SLC25A6: variants seen among roughly 807,000 people sequenced by gnomAD.
SLC25A6 encodes the protein ADP/ATP translocase 3.
A neutral mutation model predicts 25.7 loss-of-function variants in SLC25A6; 9 were observed. That is an observed-to-expected ratio of 0.35 (90% CI 0.21 to 0.61). The LOEUF (loss-of-function observed/expected upper bound fraction) is 0.61. Among genes scored for constraint, SLC25A6 ranks in the 20% least tolerant of loss-of-function variants. The pLI is 0.76. For synonymous variants in SLC25A6, 223 were observed against 197.0 expected (o/e 1.13, Z -1.11); for missense variants, 404 against 440.5 (o/e 0.92, Z 0.74).
chrX:1,391,823 T>A, intron 1 of SLC25A6, 76 bp downstream of exon 1: 1 of 1,179,816 alleles, frequency 8.5e-7, no homozygotes, highest in Non-Finnish European at 1.2e-6. Context: ...AAGGCTCTGC[T>A]GCCCACGTCC....
intron 2 of SLC25A6, among the ~76,000 whole-genome samples, chrX:1,388,571 C>A (rs771953610): frequency 1.2e-4 from 18 of 149,894 alleles, no homozygotes; most frequent in African/African-American, 4.4e-4. Context: ...TGGACTAAGA[C>A]ATCTCATAAC....
In SLC25A6 at chrX:1,387,269, C is replaced by A. The variant is rs766106667; in HGVS notation, c.739+10G>T. On this transcript the variant is annotated intron_variant, in intron 3 of 3. Transcript: ENST00000381401. ...TCCCGGCAGCAAGGGTCCCCCGCCC[C>A]CCCGAGTACCTCCTTTGCGCCCGGA... 2 of 1,610,374 alleles carry A rather than the reference C, an allele frequency of 1.2e-6. No individual in the cohort carries two copies. Among genetic ancestry groups the A allele is most frequent in the Admixed American group, 1.7e-5 (1 of 59,922 alleles).
In SLC25A6 at chrX:1,387,676, T is replaced by C. The variant is rs1277504707; in HGVS notation, c.599-257A>G. 3.9e-5 allele frequency among the ~76,000 whole-genome samples: 6 copies of C among 152,314 alleles called. No individual in the cohort carries two copies. The East Asian group carries it at 7.7e-4, about 20-fold the overall frequency. On this transcript the variant is annotated intron_variant, in intron 2 of 3. Transcript: ENST00000381401. ...TCCCAGAGGCCGGGGTTAGGCCTGT[T>C]TGGGGAAGGGAATAGGGCCCTGACC...
intron 1 of SLC25A6, 118 bp downstream of exon 1, chrX:1,391,781 A>G: frequency 1.4e-6 from 1 of 721,938 alleles, no homozygotes; most frequent in South Asian, 1.8e-5. Flanking sequence ...GGACAAAGCG[A>G]TCGCGGCCTT....
chrX:1,387,365 T>A lies in SLC25A6; in HGVS notation c.653A>T (p.Gln218Leu). The A allele has an allele frequency of 6.2e-7, 1 of 1,613,342 alleles. No individual in the cohort carries two copies. The highest frequency in any genetic ancestry group is 8.5e-7 in the Non-Finnish European group (1 of 1,179,752). Reference sequence around the variant, plus strand: ...CACGCCGGCCACGGCCGTCACGGTCTGCGCGATCATCCAGCTCACCACGAT... The same window carrying A: ...CACGCCGGCCACGGCCGTCACGGTCAGCGCGATCATCCAGCTCACCACGAT... ...THIVVSWMIA[Q>L]TVTAVAGVVS... The change falls in exon 3 of 4, where the codon CAG becomes CTG. Residue 218 changes from glutamine (Q) to leucine (L), a missense_variant. Physicochemically the swap from Gln to Leu is moderately radical, Grantham distance 113 (BLOSUM62 -2). Transcript: ENST00000381401.
In SLC25A6 at chrX:1,389,416, C is replaced by A. The variant is rs201840948; in HGVS notation, c.423G>T (p.Leu141=). The A allele has an allele frequency of 1.2e-6, 2 of 1,613,816 alleles. No homozygotes were observed. The highest frequency in any genetic ancestry group is 3.3e-5 in the Admixed American group (2 of 60,020). Residue 141 remains leucine, a synonymous_variant, in exon 2 of 4, where the codon CTG becomes CTT. Transcript: ENST00000381401. ...TGCCTGACTTTCCCACGTCCGCTGC[C>A]AGGCGGGTTCTGGCGAAATCCAGCG... ...VYPLDFARTR[L]AADVGKSGTE...
rs1172123657 is a variant in SLC25A6, at chrX:1,389,355, C to T, written c.484G>A (p.Val162Met). Residue 162 changes from valine (V) to methionine (M), a missense_variant, in exon 2 of 4, where the codon GTG becomes ATG. Transcript: ENST00000381401. ...REFRGLGDCL[V>M]KITKSDGIRG... ...ATGCCGTCGGACTTGGTGATCTTCACCAGGCAGTCTCCCAGGCCTCGGAAC... is the reference window on the plus strand; with the variant it reads ...ATGCCGTCGGACTTGGTGATCTTCATCAGGCAGTCTCCCAGGCCTCGGAAC... 1.9e-6 allele frequency: 3 copies of T among 1,613,692 alleles called. No individual in the cohort carries two copies. Among genetic ancestry groups the T allele is most frequent in the African/African-American group, 2.7e-5 (2 of 74,928 alleles).
chrX:1,391,708 T>G (rs2089414930), intron 1 of SLC25A6, among the ~76,000 whole-genome samples, 191 bp downstream of exon 1: 1 of 152,174 alleles, frequency 6.6e-6, no homozygotes, highest in East Asian at 1.9e-4. Flanking sequence ...TGCGCACGCG[T>G]GGACGTCGCC....
intron 3 of SLC25A6, 121 bp from the exon 4 acceptor site, chrX:1,386,880 A>G (rs2089332243): frequency 8.2e-7 from 1 of 1,215,472 alleles, no homozygotes; most frequent in Admixed American, 2.2e-5. Context: ...CACAGTTCTG[A>G]TTACAGGAGG....
intron 1 of SLC25A6, among the ~76,000 whole-genome samples, chrX:1,391,036 C>A (rs1383008081): frequency 1.4e-5 from 2 of 143,506 alleles, no homozygotes; most frequent in African/African-American, 5.2e-5. Context: ...CTTAGAGATG[C>A]GGTCTTGCTC....
intron 1 of SLC25A6, 35 bp downstream of exon 1, chrX:1,391,864 C>A (rs1381808044): frequency 1.3e-6 from 2 of 1,520,122 alleles, no homozygotes; most frequent in South Asian, 2.4e-5. Context: ...GTTCCCGTCC[C>A]CTAGTCCCCG....
chrX:1,388,028 G>A (rs1472371168), intron 2 of SLC25A6, among the ~76,000 whole-genome samples: 8 of 150,546 alleles, frequency 5.3e-5, no homozygotes, highest in South Asian at 4.2e-4. Context: ...CCAGGACTCC[G>A]GGAGAATCAA....
chrX:1,389,716 G>C lies in SLC25A6; in HGVS notation c.123C>G (p.Ala41=), dbSNP rs759991115. The change falls in exon 2 of 4, where the codon GCC becomes GCG. Residue 41 remains alanine (A), a synonymous_variant. Coordinates refer to ENST00000381401, the MANE Select transcript of SLC25A6 (RefSeq NM_001636.4). ...GCTTGTCGGCGGCGATCTGCTTGCT[G>C]GCGTGCTGGACCTGGGGGACGCAGA... is the stretch of plus-strand genomic sequence containing the variant. The part of the protein sequence containing the change: ...RVKLLLQVQH[A]SKQIAADKQY... 1 of 1,612,346 alleles carries C rather than the reference G, an allele frequency of 6.2e-7. No individual in the cohort carries two copies. The highest frequency in any genetic ancestry group is 8.5e-7 in the Non-Finnish European group (1 of 1,179,394).
Position 1,386,716 on chromosome X carries a change from G to A in SLC25A6, c.783C>T (p.Ile261=). 6.2e-7 allele frequency: 1 copy of A among 1,612,678 alleles called. No individual in the cohort carries two copies. Among genetic ancestry groups the A allele is most frequent in the Non-Finnish European group, 8.5e-7 (1 of 1,179,196 alleles). The change falls in exon 4 of 4, where the codon ATC becomes ATT. Residue 261 remains isoleucine (I), a synonymous_variant. Transcript: ENST00000381401. ...YTGTVDCWRK[I]FRDEGGKAFF... is the part of the protein sequence containing the mutation. ...AGGCCTTGCCCCCCTCATCTCTGAAGATCTTCCTCCAACAGTCGACGGTGC... is the reference window on the plus strand; with the variant it reads ...AGGCCTTGCCCCCCTCATCTCTGAAAATCTTCCTCCAACAGTCGACGGTGC...
At chrX:1,389,768 A>AC in intron 1 of SLC25A6, 41 bp from the exon 2 acceptor site, 1 of 1,597,398 alleles carries the variant, frequency 6.3e-7, no homozygotes, top group Non-Finnish European at 8.5e-7. Flanking sequence ...CCCAGGGCCA[A>AC]CCACCCAGAA....
chrX:1,387,236 G>C (rs371269845), intron 3 of SLC25A6, 43 bp downstream of exon 3: 36 of 1,603,258 alleles, frequency 2.2e-5, no homozygotes, highest in Non-Finnish European at 3.1e-5. Context: ...AAGGAGCTTG[G>C]TTCCCCTTCC....
At chrX:1,390,616 T>A (rs1248875056) in intron 1 of SLC25A6, among the ~76,000 whole-genome samples, 1 of 150,358 alleles carries the variant, frequency 6.7e-6, no homozygotes, top group Non-Finnish European at 1.5e-5. Context: ...TGTGGGGTCT[T>A]GCTATGTTAC....
At position 1,386,409 on chromosome X, in the gene SLC25A6, G is replaced by A. The variant is rs1237009620; in HGVS notation, c.*193C>T. On this transcript the variant is annotated 3_prime_UTR_variant, in exon 4 of 4. Transcript: ENST00000381401. ...CCCTCCCACCCCGTGATCAAGACAC[G>A]GAATCGGCTGCCGATGGTTGGATCG... 3.6e-5 allele frequency: 24 copies of A among 674,002 alleles called. No homozygotes were observed. Among genetic ancestry groups the A allele is most frequent in the East Asian group, 6.5e-5 (2 of 30,580 alleles). The allele number at this position is 674,002 out of a possible 1,614,324, so 41.8% of individuals were successfully genotyped here.
intron 1 of SLC25A6, 60 bp downstream of exon 1, chrX:1,391,839 C>T: frequency 7.3e-7 from 1 of 1,361,092 alleles, no homozygotes; most frequent in Non-Finnish European, 1.0e-6. Flanking sequence ...CGTCCCCGCC[C>T]GACCCGGCCA....
Sources: gnomAD v4.1 joint callset for allele counts (sites outside exome capture counted in the v4.1 genomes callset) on GRCh38, gnomAD v4.1.1 for gene constraint, MANE v1.5 for transcripts, NCBI Gene and HGNC (gene_info 2026-07-23, HGNC 2026-07-21) for gene names.